The following TNKS2 variants were observed in gnomAD, a reference collection of about 807,000 sequenced individuals.
The protein encoded by TNKS2 is tankyrase 2.
A neutral mutation model predicts 137.6 loss-of-function variants in TNKS2; 72 were observed. The ratio of observed to expected loss-of-function variants is 0.52; its 90% CI spans 0.43 to 0.64. The LOEUF (loss-of-function observed/expected upper bound fraction) is 0.64, where lower values mean the gene tolerates loss of function less well. Among genes scored for constraint, TNKS2 ranks in the 30% least tolerant of loss-of-function variants. The probability of loss-of-function intolerance (pLI) is 0.00; values close to 1 mark genes in which losing one functional copy is unlikely to be tolerated. For missense variants in TNKS2, 1,049 were observed against 1,410.2 expected (o/e 0.74, Z 4.10); for synonymous variants, 516 against 512.1 (o/e 1.01, Z -0.10).
intron 12 of TNKS2, among the ~76,000 whole-genome samples, chr10:91,835,772 T>C (rs1841994038): frequency 7.3e-5 from 11 of 151,236 alleles, no homozygotes; most frequent in Admixed American, 7.3e-4. Flanking sequence ...AGAGTGCGCC[T>C]AACTTTTGTA....
intron 1 of TNKS2, among the ~76,000 whole-genome samples, chr10:91,811,476 A>G (rs1844502463): frequency 6.6e-6 from 1 of 152,030 alleles, no homozygotes; most frequent in Admixed American, 6.6e-5. Flanking sequence ...TTATATATAC[A>G]TAGCAATTAT....
intron 2 of TNKS2, among the ~76,000 whole-genome samples, chr10:91,813,746 C>T (rs1016637934): frequency 9.2e-5 from 14 of 152,156 alleles, no homozygotes; most frequent in African/African-American, 3.4e-4. Flanking sequence ...TCATGCTCCA[C>T]GTAACTCCAT....
At chr10:91,807,364 G>A (rs1006605120) in intron 1 of TNKS2, 18 of 1,613,978 alleles carry the variant, frequency 1.1e-5, no homozygotes, top group Middle Eastern at 1.6e-4. Flanking sequence ...AGAACCACAC[G>A]TGCCTTCATA....
chr10:91,836,784 A>G (rs532438580), intron 12 of TNKS2, 135 bp from the exon 13 acceptor site: 9 of 1,397,704 alleles, frequency 6.4e-6, no homozygotes, highest in Non-Finnish European at 8.4e-6. Flanking sequence ...CACCCCCCTT[A>G]CTACCATGGA....
In TNKS2 at chr10:91,819,933, T is replaced by C; in HGVS notation, c.634-6T>C. The C allele has an allele frequency of 6.5e-7, 1 of 1,539,106 alleles. No homozygotes were observed. The highest frequency in any genetic ancestry group is 8.8e-7 in the Non-Finnish European group (1 of 1,142,408). Reference sequence around the variant, plus strand: ...ATTTCATTAATATATTTGATTAATATTTCAGTCAACTCCATTACATTTGGC... The same window carrying C: ...ATTTCATTAATATATTTGATTAATACTTCAGTCAACTCCATTACATTTGGC... On this transcript the variant is annotated splice_polypyrimidine_tract_variant and splice_region_variant and intron_variant, in intron 5 of 26. Transcript: ENST00000371627.
rs1160487460 is a variant in TNKS2 at position 91,807,983 on chromosome 10, G to A, written c.200-5000G>A. On this transcript the variant is annotated intron_variant, in intron 1 of 26. Transcript: ENST00000371627. ...TGCACTTCAGCCTGGGGGACAGAGCGAGACTCTGTCTCAAAAAAAAAAAAA... is the reference window on the plus strand; with the variant it reads ...TGCACTTCAGCCTGGGGGACAGAGCAAGACTCTGTCTCAAAAAAAAAAAAA... Among the ~76,000 whole-genome samples the A allele has an allele frequency of 2.4e-5, 3 of 127,466 alleles. No individual in the cohort carries two copies. The East Asian group carries it at 7.3e-4, about 31-fold the overall frequency. 83.6% of individuals were successfully genotyped at this position (127,466 alleles called of 152,430 possible).
intron 15 of TNKS2, among the ~76,000 whole-genome samples, chr10:91,841,964 TA>T (rs11394924): frequency 6.6e-6 from 1 of 152,056 alleles, no homozygotes; most frequent in Non-Finnish European, 1.5e-5. Context: ...ATTAATGCAT[TA>T]AAAAATCCAG....
chr10:91,860,160 AC>A (rs1842816712), intron 25 of TNKS2, among the ~76,000 whole-genome samples: 1 of 152,136 alleles, frequency 6.6e-6, no homozygotes, highest in East Asian at 1.9e-4. Context: ...ACTACTTTGC[AC>A]TTTTTTTTTC....
intron 2 of TNKS2, among the ~76,000 whole-genome samples, chr10:91,815,088 T>G (rs1195298177): frequency 1.3e-5 from 1 of 74,382 alleles, no homozygotes; most frequent in Non-Finnish European, 2.3e-5. Context: ...GTATTTACTT[T>G]TGTGAGACAG....
At chr10:91,831,480 G>A (rs745405308) in intron 11 of TNKS2, among the ~76,000 whole-genome samples, 8 of 151,816 alleles carry the variant, frequency 5.3e-5, no homozygotes, top group South Asian at 2.1e-4. Context: ...TTTTCTAATC[G>A]TCTTTTCTCA....
chr10:91,832,859 G>C (rs1013141227), intron 11 of TNKS2, among the ~76,000 whole-genome samples: 15 of 152,032 alleles, frequency 9.9e-5, no homozygotes, highest in African/African-American at 3.6e-4. Context: ...GAATTTTGCA[G>C]AAAATACCTG....
intron 1 of TNKS2, among the ~76,000 whole-genome samples, chr10:91,803,023 T>G (rs1260212284): frequency 1.3e-5 from 2 of 152,208 alleles, no homozygotes; most frequent in Non-Finnish European, 2.9e-5. Context: ...GGAGTACTCC[T>G]TTCAGTGTAC....
intron 1 of TNKS2, among the ~76,000 whole-genome samples, chr10:91,806,302 T>C (rs1442452445): frequency 6.6e-6 from 1 of 152,188 alleles, no homozygotes; most frequent in Non-Finnish European, 1.5e-5. Context: ...ATAACAGTTG[T>C]GACAGTAACA....
intron 12 of TNKS2, 93 bp from the exon 13 acceptor site, chr10:91,836,826 G>A (rs1224638630): frequency 6.7e-6 from 10 of 1,482,742 alleles, no homozygotes; most frequent in Non-Finnish European, 9.0e-6. Context: ...AATTGTAAAA[G>A]AACTTTGCTT....
At chr10:91,808,484 A>G (rs1844399995) in intron 1 of TNKS2, among the ~76,000 whole-genome samples, 1 of 152,186 alleles carries the variant, frequency 6.6e-6, no homozygotes, top group Non-Finnish European at 1.5e-5. Flanking sequence ...CCAAGGAATT[A>G]TTTTAAACAG....
intron 6 of TNKS2, 51 bp from the exon 7 acceptor site, chr10:91,822,245 G>T (rs769369322): frequency 2.1e-5 from 30 of 1,406,740 alleles, no homozygotes; most frequent in African/African-American, 2.8e-5. Flanking sequence ...AATTTCCCTA[G>T]GCCTAAGAAA....
At chr10:91,811,942 C>T (rs993823220) in intron 1 of TNKS2, among the ~76,000 whole-genome samples, 1 of 152,178 alleles carries the variant, frequency 6.6e-6, no homozygotes, top group African/African-American at 2.4e-5. Context: ...TGCCTGTAGT[C>T]CCAGCTACTC....
At chr10:91,810,928 T>TC (rs1564604458) in intron 1 of TNKS2, among the ~76,000 whole-genome samples, 5 of 112,458 alleles carry the variant, frequency 4.4e-5, no homozygotes, top group African/African-American at 1.4e-4. Flanking sequence ...TTCTTTTTTT[T>TC]TTTTTTTTTT....
At chr10:91,854,063 A>T (rs1053834084) in intron 21 of TNKS2, among the ~76,000 whole-genome samples, 2 of 152,340 alleles carry the variant, frequency 1.3e-5, no homozygotes, top group East Asian at 1.9e-4. Flanking sequence ...ACATTTGGAA[A>T]ACACACAAAT....
Sources: allele counts gnomAD v4.1 joint callset (sites outside exome capture counted in the v4.1 genomes callset), GRCh38; gene constraint gnomAD v4.1.1; transcripts MANE v1.5; gene names NCBI Gene and HGNC (gene_info 2026-07-23, HGNC 2026-07-21).